SCAP: variants seen among roughly 807,000 people sequenced by gnomAD.
SCAP encodes SREBF chaperone.
Under a neutral mutation model 123.6 loss-of-function variants are expected in SCAP, and 65 were observed. The ratio of observed to expected loss-of-function variants is 0.53; its 90% CI spans 0.43 to 0.65. The LOEUF (loss-of-function observed/expected upper bound fraction) is 0.65. Ranked by LOEUF, SCAP falls within the 30% of genes least tolerant of loss-of-function variation. SCAP has a pLI of 0.00. For synonymous variants in SCAP, 740 were observed against 726.3 expected, an observed-to-expected ratio of 1.02 and a Z score of -0.30; for missense variants, 1,398 against 1,712.5, an observed-to-expected ratio of 0.82 and a Z score of 3.24.
intron 1 of SCAP, among the ~76,000 whole-genome samples, chr3:47,460,180 A>G (rs1481065502): frequency 6.6e-6 from 1 of 152,190 alleles, no homozygotes; most frequent in Non-Finnish European, 1.5e-5. Flanking sequence ...CTGATTTCAT[A>G]TTGTTCAAAC....
intron 13 of SCAP, 75 bp from the exon 14 acceptor site, chr3:47,418,918 T>A: frequency 7.3e-7 from 1 of 1,378,884 alleles, no homozygotes; most frequent in Non-Finnish European, 9.5e-7. Flanking sequence ...CAGCCAGTCC[T>A]CTCCCTCCTC....
intron 3 of SCAP, among the ~76,000 whole-genome samples, chr3:47,434,226 G>A (rs1036213498): frequency 1.4e-4 from 21 of 152,182 alleles, no homozygotes; most frequent in Admixed American, 4.6e-4. Flanking sequence ...GGGGAGGAGA[G>A]CTCTGTTCGC....
At chr3:47,474,717 A>G (rs1708201245) in intron 1 of SCAP, among the ~76,000 whole-genome samples, 1 of 152,092 alleles carries the variant, frequency 6.6e-6, no homozygotes, top group Admixed American at 6.6e-5. Flanking sequence ...GGATCACCTG[A>G]GCCCAGGAAA....
At chr3:47,447,624 G>A (rs905279643) in intron 1 of SCAP, among the ~76,000 whole-genome samples, 2 of 151,500 alleles carry the variant, frequency 1.3e-5, no homozygotes, top group South Asian at 2.1e-4. Context: ...GGAGGCGGAG[G>A]CCACAGTGAG....
chr3:47,448,586 G>A (rs1382730948), intron 1 of SCAP, among the ~76,000 whole-genome samples: 2 of 150,126 alleles, frequency 1.3e-5, no homozygotes, highest in East Asian at 3.9e-4. Context: ...GATCTCTGTT[G>A]GTCAGACTGG....
rs1025257226 is a variant in SCAP at position 47,432,272 on chromosome 3, G to A, written c.252+2736C>T. Among the ~76,000 whole-genome samples the A allele has an allele frequency of 3.2e-4, 44 of 138,058 alleles. 1 individual carries two copies. The highest frequency in any genetic ancestry group is 2.5e-3 in the South Asian group (11 of 4,398). 90.6% of individuals were successfully genotyped at this position (138,058 alleles called of 152,430 possible). A position where few individuals can be genotyped will look rare whatever the true frequency, so the allele number is the denominator to read the frequency against. On this transcript the variant is annotated intron_variant, in intron 3 of 22. Coordinates refer to ENST00000265565, the MANE Select transcript of SCAP (RefSeq NM_012235.4). ...GCGGAGGTTCCAGTGAGCTGAGATC[G>A]CGCCACTGCACTCCAGCCTAGCGAA...
At chr3:47,428,902 G>A in intron 3 of SCAP, 1 of 467,946 alleles carries the variant, frequency 2.1e-6, no homozygotes, top group Non-Finnish European at 3.8e-6. Context: ...GAAATAAGCT[G>A]GAACCAAGAT....
At chr3:47,460,868 A>T (rs1471847918) in intron 1 of SCAP, among the ~76,000 whole-genome samples, 2 of 152,154 alleles carry the variant, frequency 1.3e-5, no homozygotes, top group Admixed American at 1.3e-4. Context: ...AACTCTTAAT[A>T]TAAACGTTGC....
intron 1 of SCAP, among the ~76,000 whole-genome samples, chr3:47,465,858 G>A (rs1179258524): frequency 2.0e-5 from 3 of 151,778 alleles, no homozygotes; most frequent in Non-Finnish European, 4.4e-5. Flanking sequence ...AAAAAAGCTG[G>A]GTGCAGTGGC....
At chr3:47,434,940 A>G in intron 3 of SCAP, 68 bp downstream of exon 3, 1 of 1,601,786 alleles carries the variant, frequency 6.2e-7, no homozygotes, top group South Asian at 1.1e-5. Context: ...TCTCACTGGC[A>G]GACCCCTGCC....
intron 4 of SCAP, among the ~76,000 whole-genome samples, 167 bp downstream of exon 4, chr3:47,428,346 T>C (rs1013179299): frequency 6.6e-6 from 1 of 152,148 alleles, no homozygotes; most frequent in Non-Finnish European, 1.5e-5. Context: ...GCAGCCACCG[T>C]AGACCCACAA....
chr3:47,460,808 G>A (rs569712814), intron 1 of SCAP, among the ~76,000 whole-genome samples: 17 of 152,152 alleles, frequency 1.1e-4, no homozygotes, highest in African/African-American at 2.9e-4. Flanking sequence ...CACCCGCCTC[G>A]ACCTCCCAAA....
rs981556332 is a variant in SCAP at position 47,413,944 on chromosome 3, G to C, written c.3750C>G (p.Ile1250Met). 8.7e-6 allele frequency: 14 copies of C among 1,613,188 alleles called. No homozygotes were observed. The highest frequency in any genetic ancestry group is 1.2e-5 in the Non-Finnish European group (14 of 1,180,032). ...KNSEAQPARQILVLDNAAIVC... is the reference protein window; with the variant it reads ...KNSEAQPARQMLVLDNAAIVC... ...CAATGGCAGCGTTGTCCAGCACCAG[G>C]ATCTGGCGGGCAGGCTGGGCCTCAC... Residue 1250 changes from isoleucine (I) to methionine (M), a missense_variant, in exon 23 of 23, where the codon ATC becomes ATG. Ile to Met is a conservative substitution (Grantham distance 10). Coordinates refer to ENST00000265565, the MANE Select transcript of SCAP (RefSeq NM_012235.4).
At chr3:47,468,438 T>C (rs1406456213) in intron 1 of SCAP, among the ~76,000 whole-genome samples, 1 of 152,232 alleles carries the variant, frequency 6.6e-6, no homozygotes, top group African/African-American at 2.4e-5. Flanking sequence ...TATCTCATTG[T>C]GGTTTTGATT....
Position 47,421,011 on chromosome 3 carries a change from C to A in SCAP, c.1264G>T (p.Val422Phe). 6.2e-7 allele frequency: 1 copy of A among 1,613,928 alleles called. No homozygotes were observed. Among genetic ancestry groups the A allele is most frequent in the Non-Finnish European group, 8.5e-7 (1 of 1,179,976 alleles). The change falls in exon 11 of 23, where the codon GTC becomes TTC. Residue 422 changes from valine to phenylalanine, a missense_variant. Coordinates refer to ENST00000265565, the MANE Select transcript of SCAP (RefSeq NM_012235.4). ...PAIQEFCLFA[V>F]VGLVSDFFLQ... ...AAGAAGTCAGACACCAGCCCCACGA[C>A]AGCAAAGAGACAGAACTCCTGGAAT... is the stretch of plus-strand genomic sequence containing the variant.
chr3:47,448,412 G>A (rs1186139542), intron 1 of SCAP, among the ~76,000 whole-genome samples: 1 of 152,038 alleles, frequency 6.6e-6, no homozygotes, highest in Admixed American at 6.6e-5. Context: ...CATGTTATCT[G>A]TGAACAGAAA....
intron 1 of SCAP, among the ~76,000 whole-genome samples, chr3:47,463,176 C>T (rs1041046647): frequency 2.6e-5 from 4 of 152,276 alleles, no homozygotes; most frequent in East Asian, 1.9e-4. Context: ...TTTATTCCTC[C>T]GGCGGAAAGT....
At chr3:47,467,917 T>C (rs964643033) in intron 1 of SCAP, among the ~76,000 whole-genome samples, 3 of 139,208 alleles carry the variant, frequency 2.2e-5, no homozygotes, top group Non-Finnish European at 4.6e-5. Flanking sequence ...GATGTTCCCA[T>C]GTCCAGGTGT....
chr3:47,425,886 G>C, intron 7 of SCAP, 111 bp downstream of exon 7: 1 of 1,227,056 alleles, frequency 8.1e-7, no homozygotes, highest in South Asian at 1.4e-5. Flanking sequence ...ATGACCACCA[G>C]GTGTGTTCTA....
Sources: gnomAD v4.1 joint callset for allele counts (sites outside exome capture counted in the v4.1 genomes callset) on GRCh38, gnomAD v4.1.1 for gene constraint, MANE v1.5 for transcripts, NCBI Gene and HGNC (gene_info 2026-07-23, HGNC 2026-07-21) for gene names.